The following MAPK10 variants were observed in gnomAD, a reference collection of about 807,000 sequenced individuals.
MAPK10 encodes the protein mitogen-activated protein kinase 10.
MAPK10 carries 25 observed loss-of-function variants against 59.3 expected under a neutral mutation model. That is an observed-to-expected ratio of 0.42 (90% CI 0.31 to 0.59). MAPK10 has a LOEUF of 0.59. MAPK10 is among the 20% of genes least tolerant of loss of function. The pLI is 0.15. For synonymous variants in MAPK10, 190 were observed against 200.5 expected, an observed-to-expected ratio of 0.95 and a Z score of 0.44; for missense variants, 351 against 568.9, an observed-to-expected ratio of 0.62 and a Z score of 3.90.
chr4:86,370,151 G>A (rs1738534156), intron 1 of MAPK10, among the ~76,000 whole-genome samples: 1 of 152,126 alleles, frequency 6.6e-6, no homozygotes, highest in Non-Finnish European at 1.5e-5. Context: ...TGTTCTTAAA[G>A]TGTATATTCA....
chr4:86,149,480 T>A (rs2065865404), intron 4 of MAPK10, among the ~76,000 whole-genome samples: 2 of 152,156 alleles, frequency 1.3e-5, no homozygotes, highest in Non-Finnish European at 1.5e-5. Context: ...ATAGCCAGGC[T>A]GGTCTTGAAC....
At chr4:86,330,342 T>G (rs2096123645) in intron 2 of MAPK10, among the ~76,000 whole-genome samples, 1 of 152,188 alleles carries the variant, frequency 6.6e-6, no homozygotes, top group African/African-American at 2.4e-5. Context: ...TCTTTGTCAT[T>G]AGGTTTCCCT....
intron 1 of MAPK10, among the ~76,000 whole-genome samples, chr4:86,466,286 C>T (rs1015979245): frequency 6.6e-6 from 1 of 152,150 alleles, no homozygotes; most frequent in Non-Finnish European, 1.5e-5. Flanking sequence ...TTGATTGGTC[C>T]CCTAAGGGGA....
intron 2 of MAPK10, among the ~76,000 whole-genome samples, chr4:86,200,877 T>C (rs1297806128): frequency 1.3e-5 from 2 of 151,906 alleles, no homozygotes; most frequent in Non-Finnish European, 1.5e-5. Flanking sequence ...TCCACTCTTT[T>C]AGTTATTTTA....
intron 1 of MAPK10, among the ~76,000 whole-genome samples, chr4:86,449,607 A>C (rs1304126516): frequency 6.6e-6 from 1 of 152,186 alleles, no homozygotes; most frequent in Non-Finnish European, 1.5e-5. Context: ...GACCCCCAAT[A>C]AGTCATGCAT....
intron 11 of MAPK10, among the ~76,000 whole-genome samples, chr4:86,035,483 T>A (rs1578903823): frequency 6.7e-6 from 1 of 149,544 alleles, no homozygotes; most frequent in Non-Finnish European, 1.5e-5. Flanking sequence ...TACAGCTGGA[T>A]TGAAGAAAGA....
intron 8 of MAPK10, chr4:86,100,203 A>T (rs2055082485): frequency 6.6e-6 from 1 of 152,212 alleles, no homozygotes; most frequent in African/African-American, 2.4e-5. Flanking sequence ...TACAATCCTA[A>T]TTTAAAACTA....
intron 4 of MAPK10, among the ~76,000 whole-genome samples, chr4:86,128,389 C>T (rs1018581670): frequency 2.0e-5 from 3 of 151,990 alleles, no homozygotes; most frequent in Non-Finnish European, 2.9e-5. Flanking sequence ...AATCATGGGC[C>T]GGTTTCCCCA....
chr4:86,329,265 G>A (rs11726550), intron 2 of MAPK10, among the ~76,000 whole-genome samples: 2,297 of 152,250 alleles, frequency 0.015, 36 homozygotes, highest in Middle Eastern at 0.034. Context: ...TAAAGTGTAC[G>A]AAATGTTGTA....
intron 4 of MAPK10, among the ~76,000 whole-genome samples, chr4:86,152,907 T>A (rs780314846): frequency 6.6e-6 from 1 of 152,222 alleles, no homozygotes; most frequent in African/African-American, 2.4e-5. Context: ...TTAATTCAAC[T>A]GATCAAACTG....
chr4:86,396,038 C>T (rs1376184298), intron 1 of MAPK10, among the ~76,000 whole-genome samples: 2 of 152,190 alleles, frequency 1.3e-5, no homozygotes, highest in African/African-American at 2.4e-5. Context: ...GCCTTTTTTA[C>T]GTGAACCTAA....
At chr4:86,411,256 G>C (rs1430181126) in intron 1 of MAPK10, among the ~76,000 whole-genome samples, 2 of 152,200 alleles carry the variant, frequency 1.3e-5, no homozygotes, top group African/African-American at 2.4e-5. Context: ...TTGCACTGTG[G>C]TGTGAGAGAC....
At chr4:86,473,039 G>A (rs1752782824) in intron 1 of MAPK10, among the ~76,000 whole-genome samples, 1 of 152,072 alleles carries the variant, frequency 6.6e-6, no homozygotes, top group Non-Finnish European at 1.5e-5. Context: ...CTTTGTTCAA[G>A]ACTCCAAGAA....
At chr4:86,107,504 A>G in intron 4 of MAPK10, 152 bp from the exon 5 acceptor site, 5 of 1,322,478 alleles carry the variant, frequency 3.8e-6, no homozygotes, top group Non-Finnish European at 4.8e-6. Context: ...TTAAGTAAAG[A>G]TATGAGTGAC....
chr4:86,289,872 G>A lies in MAPK10; in HGVS notation c.-7+64658C>T, dbSNP rs544336888. Among the ~76,000 whole-genome samples, 60 of 152,224 alleles carry A rather than the reference G, an allele frequency of 3.9e-4. 2 individuals carry two copies. The highest frequency in any genetic ancestry group is 1.4e-3 in the African/African-American group (58 of 41,558). On this transcript the variant is annotated intron_variant, in intron 2 of 13. Coordinates refer to ENST00000641462, the MANE Select transcript of MAPK10 (RefSeq NM_138982.4). Reference sequence around the variant, plus strand: ...ATGGAAGAGCAGAAAAGGGCTCGTGGAGCAATTCTAAGTTTTAGCTTGAGC... The same window carrying A: ...ATGGAAGAGCAGAAAAGGGCTCGTGAAGCAATTCTAAGTTTTAGCTTGAGC...
chr4:86,275,384 G>A (rs563088397), intron 2 of MAPK10, among the ~76,000 whole-genome samples: 1 of 152,056 alleles, frequency 6.6e-6, no homozygotes, highest in South Asian at 2.1e-4. Context: ...ATTGTGATAA[G>A]GAAATGATGT....
chr4:86,424,983 G>A (rs1204665431), intron 1 of MAPK10, among the ~76,000 whole-genome samples: 2 of 152,110 alleles, frequency 1.3e-5, no homozygotes, highest in African/African-American at 4.8e-5. Flanking sequence ...AACTGCCTAA[G>A]GAAAGACCAT....
intron 1 of MAPK10, among the ~76,000 whole-genome samples, chr4:86,421,607 A>G (rs1746552001): frequency 6.6e-6 from 1 of 152,178 alleles, no homozygotes; most frequent in South Asian, 2.1e-4. Context: ...TCAGGGAAGA[A>G]GGAGGCTGCT....
At chr4:86,437,847 C>T (rs941874215) in intron 1 of MAPK10, among the ~76,000 whole-genome samples, 17 of 151,994 alleles carry the variant, frequency 1.1e-4, no homozygotes, top group African/African-American at 3.4e-4. Context: ...ACATAATTGC[C>T]CCTCAAAAGT....
Sources: gnomAD v4.1 joint callset for allele counts (sites outside exome capture counted in the v4.1 genomes callset) on GRCh38, gnomAD v4.1.1 for gene constraint, MANE v1.5 for transcripts, NCBI Gene and HGNC (gene_info 2026-07-23, HGNC 2026-07-21) for gene names.